Variants in PKDREJ observed in about 807,000 individuals in gnomAD.
PKDREJ encodes PKD and REJ homolog.
For missense variants in PKDREJ, 2,507 were observed against 2,807.2 expected (o/e 0.89, Z 2.42); for synonymous variants, 1,031 against 1,095.5 (o/e 0.94, Z 1.16).
In PKDREJ at chr22:46,262,228, A is replaced by G. The variant is rs1601856472; in HGVS notation, c.1095T>C (p.Asp365=). 1.2e-6 allele frequency: 2 copies of G among 1,614,108 alleles called. No individual in the cohort carries two copies. Among genetic ancestry groups the G allele is most frequent in the African/African-American group, 2.7e-5 (2 of 74,942 alleles). Residue 365 remains aspartate, a synonymous_variant, in exon 1 of 1, where the codon GAT becomes GAC. Coordinates refer to ENST00000253255, the MANE Select transcript of PKDREJ (RefSeq NM_006071.2). The surrounding 1 kb of genome is among the most constrained non-coding windows in gnomAD (Gnocchi z 8.1). ...ILDGSTSSDP[D]ADSPLQGLQF... is the part of the protein sequence containing the mutation. ...GGAGTCCCTGTAACGGGCTGTCCGC[A>G]TCTGGGTCCGAGGACGTGGACCCGT...
At position 46,257,649 on chromosome 22, in the gene PKDREJ, AC is replaced by A; in HGVS notation, c.5673del (p.Phe1892LeufsTer5). 1.2e-6 allele frequency: 2 copies of A among 1,614,176 alleles called. No individual in the cohort carries two copies. Among genetic ancestry groups the A allele is most frequent in the Non-Finnish European group, 1.7e-6 (2 of 1,180,022 alleles). Reference sequence around the variant, plus strand: ...TCTTTGAGCCTCAGTGTGGAATTAAACCGCTGCTGTTCTGGAAAAAAATAGA... The same window carrying A: ...TCTTTGAGCCTCAGTGTGGAATTAAACGCTGCTGTTCTGGAAAAAAATAGA... ...YALYFFPEQQ[R>X]FNSTLRLKEL... On this transcript the variant is annotated frameshift_variant, in exon 1 of 1. Coordinates refer to ENST00000253255, the MANE Select transcript of PKDREJ (RefSeq NM_006071.2). LOFTEE classifies it low-confidence loss of function (END_TRUNC). This position sits in a 1 kb window ranked among gnomAD's most constrained non-coding sequence, Gnocchi z 4.7.
rs1936715651 is a variant in PKDREJ at position 46,262,919 on chromosome 22, G to T, written c.404C>A (p.Ser135Ter). 1 of 1,074,740 alleles carries T rather than the reference G, an allele frequency of 9.3e-7. No homozygotes were observed. Among genetic ancestry groups the T allele is most frequent in the African/African-American group, 1.7e-5 (1 of 58,644 alleles). The allele number at this position is 1,074,740 out of a possible 1,614,324, so 66.6% of individuals were successfully genotyped here. A position where few individuals can be genotyped will look rare whatever the true frequency, so the allele number is the denominator to read the frequency against. The change falls in exon 1 of 1, where the codon TCG becomes TAG. Residue 135 changes from serine (S) to a stop codon, truncating the protein, a stop_gained. Coordinates refer to ENST00000253255, the MANE Select transcript of PKDREJ (RefSeq NM_006071.2). LOFTEE classifies it low-confidence loss of function (END_TRUNC). This position sits in a 1 kb window ranked among gnomAD's most constrained non-coding sequence, Gnocchi z 8.1. Reference protein sequence around the residue: ...SLTWSVRLPRSPGRLAWAFRL... With the variant: ...SLTWSVRLPR ...GAAGGCCCAGGCCAGGCGCCCGGGC[G>T]AGCGCGGCAGCCGCACGGACCACGT... is the stretch of plus-strand genomic sequence containing the variant.
chr22:46,260,064 C>T lies in PKDREJ; in HGVS notation c.3259G>A (p.Val1087Ile), dbSNP rs771188270. 5.1e-5 allele frequency: 82 copies of T among 1,613,980 alleles called. No individual in the cohort carries two copies. The highest frequency in any genetic ancestry group is 6.8e-5 in the Non-Finnish European group (80 of 1,180,024). The change falls in exon 1 of 1, where the codon GTC (valine) becomes ATC (isoleucine). Residue 1087 changes from valine (V) to isoleucine (I), a missense_variant. By Grantham distance (29) the Val-to-Ile change is conservative. Coordinates refer to ENST00000253255, the MANE Select transcript of PKDREJ (RefSeq NM_006071.2). This position sits in a 1 kb window ranked among gnomAD's most constrained non-coding sequence, Gnocchi z 4.5. ...VSIVLQAPRF[V>I]MKLNDKLVRI... The stretch of plus-strand genomic sequence containing the variant: ...ACTAGCTTGTCATTGAGCTTCATGA[C>T]AAAACGAGGTGCCTGCAGAACTATG...
In PKDREJ at chr22:46,258,274, C is replaced by T. The variant is rs771954918; in HGVS notation, c.5049G>A (p.Thr1683=). ...IHDQIVRIRG[T]RMYQPLTEDE... Reference sequence around the variant, plus strand: ...CTTCTGTAAGGGGTTGGTACATCCTCGTGCCTCGGATTCGGACGATCTGGT... The same window carrying T: ...CTTCTGTAAGGGGTTGGTACATCCTTGTGCCTCGGATTCGGACGATCTGGT... Residue 1683 remains threonine (T), a synonymous_variant, in exon 1 of 1, where the codon ACG becomes ACA. Coordinates refer to ENST00000253255, the MANE Select transcript of PKDREJ (RefSeq NM_006071.2). This position sits in a 1 kb window ranked among gnomAD's most constrained non-coding sequence, Gnocchi z 6.1. 15 of 1,614,190 alleles carry T rather than the reference C, an allele frequency of 9.3e-6. No individual in the cohort carries two copies. The highest frequency in any genetic ancestry group is 6.7e-5 in the Admixed American group (4 of 60,034).
At position 46,262,892 on chromosome 22, in the gene PKDREJ, C is replaced by T; in HGVS notation, c.431G>A (p.Arg144His). 9.3e-7 allele frequency: 1 copy of T among 1,074,278 alleles called. No individual in the cohort carries two copies. The highest frequency in any genetic ancestry group is 1.1e-6 in the Non-Finnish European group (1 of 888,582). The allele number at this position is 1,074,278 out of a possible 1,614,324, so 66.5% of individuals were successfully genotyped here. ...RSPGRLAWAF[R>H]LRLLGPGAAR... ...GGCGCCGGGTCCGAGCAGCCGCAGGCGGAAGGCCCAGGCCAGGCGCCCGGG... is the reference window on the plus strand; with the variant it reads ...GGCGCCGGGTCCGAGCAGCCGCAGGTGGAAGGCCCAGGCCAGGCGCCCGGG... Residue 144 changes from arginine (R) to histidine (H), a missense_variant, in exon 1 of 1, where the codon CGC becomes CAC. Coordinates refer to ENST00000253255, the MANE Select transcript of PKDREJ (RefSeq NM_006071.2). This position sits in a 1 kb window ranked among gnomAD's most constrained non-coding sequence, Gnocchi z 8.1.
chr22:46,256,614 C>A lies in PKDREJ; in HGVS notation c.6709G>T (p.Gly2237Trp). Residue 2237 changes from glycine (G) to tryptophan (W), a missense_variant, in exon 1 of 1, where the codon GGG becomes TGG. Gly to Trp is a radical substitution (Grantham distance 184). Coordinates refer to ENST00000253255, the MANE Select transcript of PKDREJ (RefSeq NM_006071.2). The surrounding 1 kb of genome is among the most constrained non-coding windows in gnomAD (Gnocchi z 5.3). ...CCGTTGATGTTTCTGGTCTTCAGCC[C>A]CAGATAACGGTGGCTGTTCTTCTCT... ...QPEKNSHRYL[G>W]LKTRNINGKK... is the part of the protein sequence containing the mutation. 1 of 1,614,074 alleles carries A rather than the reference C, an allele frequency of 6.2e-7. No homozygotes were observed. The highest frequency in any genetic ancestry group is 8.5e-7 in the Non-Finnish European group (1 of 1,180,006).
In PKDREJ at chr22:46,260,371, C is replaced by T; in HGVS notation, c.2952G>A (p.Gly984=). 2 of 1,614,238 alleles carry T rather than the reference C, an allele frequency of 1.2e-6. No homozygotes were observed. The highest frequency in any genetic ancestry group is 1.7e-6 in the Non-Finnish European group (2 of 1,180,032). Residue 984 remains glycine (G), a synonymous_variant, in exon 1 of 1, where the codon GGG becomes GGA. Transcript: ENST00000253255. The surrounding 1 kb of genome is among the most constrained non-coding windows in gnomAD (Gnocchi z 4.5). ...VDGSLKKTTG[G]FSFQVDSTVL... ...CTGTGCTGTCCACTTGAAAGCTAAACCCACCTGTCGTCTTCTTCAAGGACC... is the reference window on the plus strand; with the variant it reads ...CTGTGCTGTCCACTTGAAAGCTAAATCCACCTGTCGTCTTCTTCAAGGACC...
Position 46,258,528 on chromosome 22 carries a change from C to G in PKDREJ, c.4795G>C (p.Gly1599Arg), listed in dbSNP as rs781084136. The G allele has an allele frequency of 1.9e-6, 3 of 1,614,092 alleles. No homozygotes were observed. The highest frequency in any genetic ancestry group is 2.5e-6 in the Non-Finnish European group (3 of 1,180,004). ...SISSFFIVFYGLTYGYDKSIE... is the reference protein window; with the variant it reads ...SISSFFIVFYRLTYGYDKSIE... ...GACTTGTCATAGCCGTAAGTCAGTC[C>G]ATAAAATACAATGAAGAATGAGGAT... is the stretch of plus-strand genomic sequence containing the variant. Residue 1599 changes from glycine to arginine, a missense_variant, in exon 1 of 1, where the codon GGA becomes CGA. By Grantham distance (125) the Gly-to-Arg change is moderately radical. Coordinates refer to ENST00000253255, the MANE Select transcript of PKDREJ (RefSeq NM_006071.2). The surrounding 1 kb of genome is among the most constrained non-coding windows in gnomAD (Gnocchi z 6.1).
Position 46,256,365 on chromosome 22 carries a change from C to A in PKDREJ, c.*196G>T. 2.3e-6 allele frequency: 2 copies of A among 854,150 alleles called. 1 individual carries two copies. Among genetic ancestry groups the A allele is most frequent in the Non-Finnish European group, 3.5e-6 (2 of 572,716 alleles). The allele number at this position is 854,150 out of a possible 1,614,324, so 52.9% of individuals were successfully genotyped here. On this transcript the variant is annotated 3_prime_UTR_variant, in exon 1 of 1. Transcript: ENST00000253255. This position sits in a 1 kb window ranked among gnomAD's most constrained non-coding sequence, Gnocchi z 5.3. The stretch of plus-strand genomic sequence containing the variant: ...TGTGATCCTGCTGTCTCCCCAGATG[C>A]TACACTACACTCCCAACTTTTACAC...
rs549014619 is a variant in PKDREJ at position 46,262,209 on chromosome 22, C to G, written c.1114G>C (p.Gly372Arg). ...GTACAGTACCAAAAGAACTGGAGTC[C>G]CTGTAACGGGCTGTCCGCATCTGGG... is the stretch of plus-strand genomic sequence containing the variant. ...SDPDADSPLQGLQFFWYCTTD... is the reference protein window; with the variant it reads ...SDPDADSPLQRLQFFWYCTTD... The change falls in exon 1 of 1, where the codon GGA becomes CGA. Residue 372 changes from glycine to arginine, a missense_variant. Coordinates refer to ENST00000253255, the MANE Select transcript of PKDREJ (RefSeq NM_006071.2). The surrounding 1 kb of genome is among the most constrained non-coding windows in gnomAD (Gnocchi z 8.1). 53 of 1,614,088 alleles carry G rather than the reference C, an allele frequency of 3.3e-5. No individual in the cohort carries two copies. The highest frequency in any genetic ancestry group is 5.9e-6 in the Non-Finnish European group (7 of 1,180,042).
In PKDREJ at chr22:46,259,199, A is replaced by G. The variant is rs1337583752; in HGVS notation, c.4124T>C (p.Ile1375Thr). The change falls in exon 1 of 1, where the codon ATT (isoleucine) becomes ACT (threonine). Residue 1375 changes from isoleucine (I) to threonine (T), a missense_variant. Ile to Thr is a moderately conservative substitution (Grantham distance 89). Transcript: ENST00000253255. The surrounding 1 kb of genome is among the most constrained non-coding windows in gnomAD (Gnocchi z 6.8). ...NLRKNHMWFS[I>T]FASVVAKTFN... is the part of the protein sequence containing the mutation. ...TGTTTTAGCAACAACACTAGCAAAA[A>G]TAGAGAACCACATGTGGTTTTTCCG... is the stretch of plus-strand genomic sequence containing the variant. 1 of 1,613,950 alleles carries G rather than the reference A, an allele frequency of 6.2e-7. No individual in the cohort carries two copies. Among genetic ancestry groups the G allele is most frequent in the Non-Finnish European group, 8.5e-7 (1 of 1,179,944 alleles).
Position 46,261,574 on chromosome 22 carries a change from C to G in PKDREJ, c.1749G>C (p.Gln583His). 1 of 1,613,986 alleles carries G rather than the reference C, an allele frequency of 6.2e-7. No homozygotes were observed. The highest frequency in any genetic ancestry group is 1.1e-5 in the South Asian group (1 of 91,078). The change falls in exon 1 of 1, where the codon CAG (glutamine) becomes CAC (histidine). Residue 583 changes from glutamine (Q) to histidine (H), a missense_variant. Coordinates refer to ENST00000253255, the MANE Select transcript of PKDREJ (RefSeq NM_006071.2). This position sits in a 1 kb window ranked among gnomAD's most constrained non-coding sequence, Gnocchi z 7.1. The part of the protein sequence containing the change: ...GIALITKFVV[Q>H]CSNFRDKHVP... ...CGTGCTTATCCCTAAAATTACTACA[C>G]TGGACAACAAATTTAGTAATAAGTG...
rs756334782 is a variant in PKDREJ at position 46,262,319 on chromosome 22, G to T, written c.1004C>A (p.Ser335Tyr). The change falls in exon 1 of 1, where the codon TCC (serine) becomes TAC (tyrosine). Residue 335 changes from serine (S) to tyrosine (Y), a missense_variant. Coordinates refer to ENST00000253255, the MANE Select transcript of PKDREJ (RefSeq NM_006071.2). The surrounding 1 kb of genome is among the most constrained non-coding windows in gnomAD (Gnocchi z 8.1). The part of the protein sequence containing the change: ...DAVYVWIVRS[S>Y]LQAVMLGDAN... ...ATCGCCAAGCATCACCGCCTGCAGG[G>T]AACTCCTGACGATCCAGACATAGAC... The T allele has an allele frequency of 6.2e-7, 1 of 1,614,192 alleles. No homozygotes were observed. Among genetic ancestry groups the T allele is most frequent in the Admixed American group, 1.7e-5 (1 of 60,026 alleles).
chr22:46,256,831 G>T lies in PKDREJ; in HGVS notation c.6492C>A (p.Ile2164=), dbSNP rs1482978110. The T allele has an allele frequency of 6.2e-7, 1 of 1,614,032 alleles. No individual in the cohort carries two copies. The highest frequency in any genetic ancestry group is 1.7e-5 in the Admixed American group (1 of 60,018). Residue 2164 remains isoleucine (I), a synonymous_variant, in exon 1 of 1, where the codon ATC becomes ATA. Transcript: ENST00000253255. The surrounding 1 kb of genome is among the most constrained non-coding windows in gnomAD (Gnocchi z 5.3). ...ACAGAATTACAGCCTGAAATAAGTT[G>T]ATCAAGACGCAGATCATCACCAGCA... The part of the protein sequence containing the change: ...SFMLVMICVL[I]NLFQAVILSA...
chr22:46,261,080 G>A lies in PKDREJ; in HGVS notation c.2243C>T (p.Thr748Ile), dbSNP rs753399853. The change falls in exon 1 of 1, where the codon ACT becomes ATT. Residue 748 changes from threonine (T) to isoleucine (I), a missense_variant. Transcript: ENST00000253255. This position sits in a 1 kb window ranked among gnomAD's most constrained non-coding sequence, Gnocchi z 7.1. The part of the protein sequence containing the change: ...IDQSFLLPVS[T>I]LVEIGQVVMT... ...GACTACCTGGCCAATTTCTACCAAA[G>A]TGCTTACAGGAAGAAGGAAAGACTG... is the stretch of plus-strand genomic sequence containing the variant. 8 of 1,614,184 alleles carry A rather than the reference G, an allele frequency of 5.0e-6. No homozygotes were observed. The Admixed American group carries it at 6.7e-5, about 13-fold the overall frequency.
chr22:46,259,849 A>T lies in PKDREJ; in HGVS notation c.3474T>A (p.Tyr1158Ter). 12 of 1,613,596 alleles carry T rather than the reference A, an allele frequency of 7.4e-6. No individual in the cohort carries two copies. Among genetic ancestry groups the T allele is most frequent in the Non-Finnish European group, 9.3e-6 (11 of 1,180,024 alleles). The change falls in exon 1 of 1, where the codon TAT becomes TAA. Residue 1158 changes from tyrosine to a stop codon, truncating the protein, a stop_gained. Coordinates refer to ENST00000253255, the MANE Select transcript of PKDREJ (RefSeq NM_006071.2). LOFTEE classifies it low-confidence loss of function (END_TRUNC). The surrounding 1 kb of genome is among the most constrained non-coding windows in gnomAD (Gnocchi z 6.8). ...GLTGIHLHTH[Y>*]VMAKVIVIPN... ...GGATCACAATCACCTTGGCCATCAC[A>T]TAGTGGGTATGCAGGTGAATGCCCG...
In PKDREJ at chr22:46,261,254, G is replaced by C. The variant is rs1283547714; in HGVS notation, c.2069C>G (p.Pro690Arg). Residue 690 changes from proline to arginine, a missense_variant, in exon 1 of 1, where the codon CCA (proline) becomes CGA (arginine). By Grantham distance (103) the Pro-to-Arg change is moderately radical. Coordinates refer to ENST00000253255, the MANE Select transcript of PKDREJ (RefSeq NM_006071.2). This position sits in a 1 kb window ranked among gnomAD's most constrained non-coding sequence, Gnocchi z 7.1. ...LNQLLSFTVG[P>R]SSLLSTLIQK... ...AATCAAAGTAGACAGCAATGAACTTGGTCCCACGGTGAAACTGAGTAACTG... is the reference window on the plus strand; with the variant it reads ...AATCAAAGTAGACAGCAATGAACTTCGTCCCACGGTGAAACTGAGTAACTG... 2 of 1,613,816 alleles carry C rather than the reference G, an allele frequency of 1.2e-6. No homozygotes were observed. Among genetic ancestry groups the C allele is most frequent in the Non-Finnish European group, 1.7e-6 (2 of 1,179,992 alleles).
At position 46,260,479 on chromosome 22, in the gene PKDREJ, A is replaced by C. The variant is rs757170086; in HGVS notation, c.2844T>G (p.Asp948Glu). 4 of 1,614,084 alleles carry C rather than the reference A, an allele frequency of 2.5e-6. No individual in the cohort carries two copies. The South Asian group carries it at 3.3e-5, about 13-fold the overall frequency. The change falls in exon 1 of 1, where the codon GAT becomes GAG. Residue 948 changes from aspartate (D) to glutamate (E), a missense_variant. Asp to Glu is a conservative substitution (Grantham distance 45). Transcript: ENST00000253255. This position sits in a 1 kb window ranked among gnomAD's most constrained non-coding sequence, Gnocchi z 4.5. Reference sequence around the variant, plus strand: ...TCCTGACAAGGTACACTTCCGCTACATCAGGTGTGATCTCTAGCACACTAC... The same window carrying C: ...TCCTGACAAGGTACACTTCCGCTACCTCAGGTGTGATCTCTAGCACACTAC... ...DNGSVLEITP[D>E]VAEVYLVRKN...
In PKDREJ at chr22:46,260,199, C is replaced by T; in HGVS notation, c.3124G>A (p.Ala1042Thr). ...ACTGTGCAGGCTGGGTCAAACAGGG[C>T]ACTCTGGCTGGCAAATGGAGGGATG... ...HDIPPFASQSALFDPACTVKK... is the reference protein window; with the variant it reads ...HDIPPFASQSTLFDPACTVKK... Residue 1042 changes from alanine (A) to threonine (T), a missense_variant, in exon 1 of 1, where the codon GCC (alanine) becomes ACC (threonine). Transcript: ENST00000253255. This position sits in a 1 kb window ranked among gnomAD's most constrained non-coding sequence, Gnocchi z 4.5. 1 of 1,614,156 alleles carries T rather than the reference C, an allele frequency of 6.2e-7. No individual in the cohort carries two copies. Among genetic ancestry groups the T allele is most frequent in the Non-Finnish European group, 8.5e-7 (1 of 1,180,028 alleles).
Sources: gnomAD v4.1 joint callset for allele counts on GRCh38, gnomAD v4.1.1 for gene constraint, Gnocchi (gnomAD v3.1) non-coding constraint, MANE v1.5 for transcripts, NCBI Gene and HGNC (gene_info 2026-07-23, HGNC 2026-07-21) for gene names.